PRIM2: variants seen among roughly 807,000 people sequenced by gnomAD.
PRIM2 encodes DNA primase subunit 2.
Under a neutral mutation model 67.3 loss-of-function variants are expected in PRIM2, and 39 were observed. The ratio of observed to expected loss-of-function variants is 0.58; its 90% CI spans 0.45 to 0.76. The LOEUF is 0.76. PRIM2 is among the 30% of genes least tolerant of loss of function. The pLI is 0.00. For synonymous variants in PRIM2, 143 were observed against 198.7 expected (o/e 0.72, Z 2.36); for missense variants, 398 against 598.7 (o/e 0.66, Z 3.50).
intron 7 of PRIM2, among the ~76,000 whole-genome samples, chr6:57,416,117 T>C (rs1771252109): frequency 6.6e-6 from 1 of 152,202 alleles, no homozygotes; most frequent in Non-Finnish European, 1.5e-5. Flanking sequence ...TCGCTATCTA[T>C]AGTAGCTCTA....
chr6:57,623,282 T>C (rs1562805318), intron 12 of PRIM2, among the ~76,000 whole-genome samples: 1 of 152,196 alleles, frequency 6.6e-6, no homozygotes, highest in Non-Finnish European at 1.5e-5. Flanking sequence ...ACTTGATTTC[T>C]GTGTATATCC....
At chr6:57,272,262 T>C in the PRIM2 span, among the ~76,000 whole-genome samples, 2 of 152,134 alleles carry the variant, frequency 1.3e-5, no homozygotes, top group African/African-American at 4.8e-5. Context: ...TGTGGTAGTG[T>C]AAGTCTTTGT....
chr6:57,231,054 A>G, the PRIM2 span, among the ~76,000 whole-genome samples: 1 of 152,334 alleles, frequency 6.6e-6, no homozygotes, highest in East Asian at 1.9e-4. Flanking sequence ...GACATTTGAA[A>G]TGTGTAGGTA....
At chr6:57,524,447 A>G (rs1774698609) in intron 8 of PRIM2, among the ~76,000 whole-genome samples, 2 of 152,184 alleles carry the variant, frequency 1.3e-5, no homozygotes, top group African/African-American at 4.8e-5. Context: ...CACGCCTGTA[A>G]TCCCAGCACT....
At chr6:57,254,978 G>A in the PRIM2 span, among the ~76,000 whole-genome samples, 1 of 152,140 alleles carries the variant, frequency 6.6e-6, no homozygotes, top group Admixed American at 6.5e-5. Context: ...TTGGCCTGGC[G>A]ATATTTTCCA....
At chr6:57,531,489 T>A (rs1467041031) in intron 8 of PRIM2, among the ~76,000 whole-genome samples, 3 of 152,164 alleles carry the variant, frequency 2.0e-5, no homozygotes, top group African/African-American at 7.2e-5. Context: ...AGCTGTTTTT[T>A]GCTATGTCAC....
At chr6:57,346,558 C>T (rs9464443) in intron 5 of PRIM2, among the ~76,000 whole-genome samples, 19,354 of 152,102 alleles carry the variant, frequency 0.13, 1,387 homozygotes, top group African/African-American at 0.18. Context: ...GACCTTGTGA[C>T]CCGCCTACCT....
At chr6:57,500,121 G>A (rs1759724353) in intron 7 of PRIM2, among the ~76,000 whole-genome samples, 32 of 152,070 alleles carry the variant, frequency 2.1e-4, no homozygotes. Flanking sequence ...CCCCTTCTCT[G>A]ATAGTCAGTT....
the PRIM2 span, among the ~76,000 whole-genome samples, chr6:57,252,035 A>G: frequency 6.6e-6 from 1 of 152,172 alleles, no homozygotes; most frequent in Admixed American, 6.5e-5. Context: ...CAAACTCCAT[A>G]TCTTGCCCCA....
intron 12 of PRIM2, among the ~76,000 whole-genome samples, chr6:57,626,112 T>G (rs1776945951): frequency 6.6e-6 from 1 of 152,268 alleles, no homozygotes; most frequent in African/African-American, 2.4e-5. Context: ...CATATCTAAT[T>G]GGTGAGTACA....
intron 7 of PRIM2, among the ~76,000 whole-genome samples, chr6:57,433,339 T>C (rs1771895104): frequency 6.6e-6 from 1 of 152,002 alleles, no homozygotes; most frequent in Non-Finnish European, 1.5e-5. Context: ...GCTGCACCCA[T>C]TAACGCGTCA....
intron 5 of PRIM2, among the ~76,000 whole-genome samples, chr6:57,338,799 CAG>C (rs1768365062): frequency 7.3e-6 from 1 of 137,832 alleles, no homozygotes. Flanking sequence ...TGGCACAAGA[CAG>C]GGATGCCCTC....
intron 12 of PRIM2, among the ~76,000 whole-genome samples, chr6:57,624,998 A>G (rs1488598730): frequency 6.6e-6 from 1 of 152,198 alleles, no homozygotes; most frequent in Admixed American, 6.5e-5. Context: ...AACCATCATC[A>G]GATCTCGTGA....
intron 7 of PRIM2, among the ~76,000 whole-genome samples, chr6:57,473,720 A>T (rs1175038231): frequency 6.6e-6 from 1 of 152,138 alleles, no homozygotes; most frequent in African/African-American, 2.4e-5. Flanking sequence ...TGATAGTTTC[A>T]TTCTATATTT....
intron 10 of PRIM2, among the ~76,000 whole-genome samples, chr6:57,550,126 A>G (rs1300917036): frequency 6.6e-6 from 1 of 152,090 alleles, no homozygotes; most frequent in Non-Finnish European, 1.5e-5. Flanking sequence ...TTGCAAAAAT[A>G]GTCTAATCTT....
chr6:57,464,531 C>G (rs1344814514), intron 7 of PRIM2, among the ~76,000 whole-genome samples: 1 of 152,122 alleles, frequency 6.6e-6, no homozygotes, highest in Admixed American at 6.5e-5. Context: ...CACCTCGACC[C>G]CCCAGTGTGT....
chr6:57,454,338 A>T (rs1178740156), intron 7 of PRIM2, among the ~76,000 whole-genome samples: 2 of 152,204 alleles, frequency 1.3e-5, no homozygotes, highest in African/African-American at 4.8e-5. Context: ...TTTTCTATTG[A>T]TTGGAATAGT....
intron 7 of PRIM2, among the ~76,000 whole-genome samples, chr6:57,408,229 C>T (rs1159933765): frequency 6.6e-6 from 1 of 151,952 alleles, no homozygotes; most frequent in African/African-American, 2.4e-5. Flanking sequence ...TTTTAAGGAG[C>T]GGAGAGTTTA....
At position 57,469,997 on chromosome 6, in the gene PRIM2, G is replaced by A. The variant is rs1414331612; in HGVS notation, c.694-37390G>A. On this transcript the variant is annotated intron_variant, in intron 7 of 13. Transcript: ENST00000615550. ...TTTATCTCCAATTTCTAGTACTTTG[G>A]AGGCTAAAAATGCAGTTGGCTGAGT... Among the ~76,000 whole-genome samples the A allele has an allele frequency of 7.5e-4, 114 of 151,922 alleles. 2 individuals carry two copies. The East Asian group carries it at 0.021, about 28-fold the overall frequency.
Sources: allele counts gnomAD v4.1 joint callset (sites outside exome capture counted in the v4.1 genomes callset), GRCh38; gene constraint gnomAD v4.1.1; transcripts MANE v1.5; gene names NCBI Gene and HGNC (gene_info 2026-07-23, HGNC 2026-07-21).